Variants in PDS5B observed in about 807,000 individuals in gnomAD.
The protein encoded by PDS5B is PDS5 cohesin associated factor B.
PDS5B carries 51 observed loss-of-function variants against 184.1 expected under a neutral mutation model. That is an observed-to-expected ratio of 0.28 (90% CI 0.22 to 0.35). The LOEUF (loss-of-function observed/expected upper bound fraction) is 0.35. PDS5B is among the 10% of genes least tolerant of loss of function. PDS5B has a pLI of 1.00. For synonymous variants in PDS5B, 566 were observed against 569.2 expected (o/e 0.99, Z 0.08); for missense variants, 1,180 against 1,723.3 (o/e 0.68, Z 5.58).
chr13:32,704,899 G>A (rs1351201348), intron 17 of PDS5B, among the ~76,000 whole-genome samples: 1 of 151,922 alleles, frequency 6.6e-6, no homozygotes, highest in Non-Finnish European at 1.5e-5. Context: ...TGTTTTTTTA[G>A]GTAGTTTTTG....
chr13:32,685,996 A>G (rs1277595783), intron 11 of PDS5B, among the ~76,000 whole-genome samples: 1 of 152,184 alleles, frequency 6.6e-6, no homozygotes, highest in Admixed American at 6.5e-5. Context: ...TGGTGGATGA[A>G]TGAGATAAGA....
chr13:32,604,736 T>C (rs2058033307), intron 1 of PDS5B, among the ~76,000 whole-genome samples: 1 of 152,244 alleles, frequency 6.6e-6, no homozygotes, highest in Non-Finnish European at 1.5e-5. Flanking sequence ...TATTAATTAT[T>C]GCCTCAATTT....
intron 34 of PDS5B, 108 bp downstream of exon 34, chr13:32,773,432 G>T: frequency 5.3e-6 from 5 of 950,708 alleles, no homozygotes; most frequent in Non-Finnish European, 7.8e-6. Context: ...TACTTCATTA[G>T]TTCATAGCAT....
At chr13:32,679,397 C>T (rs2140789758) in intron 10 of PDS5B, among the ~76,000 whole-genome samples, 1 of 152,218 alleles carries the variant, frequency 6.6e-6, no homozygotes, top group East Asian at 1.9e-4. Context: ...TCAGGCCGAG[C>T]ACAGGCCAAG....
At chr13:32,699,105 GATACCACAGTCAACGTTTT>G (rs908219503) in intron 15 of PDS5B, among the ~76,000 whole-genome samples, 2 of 152,110 alleles carry the variant, frequency 1.3e-5, no homozygotes, top group Non-Finnish European at 2.9e-5. Context: ...AGGCAAAAAA[GATACCACAGTCAACGTTTT>G]ATTAGCTTTC....
chr13:32,627,283 G>A (rs899209820), intron 1 of PDS5B, among the ~76,000 whole-genome samples: 1 of 152,192 alleles, frequency 6.6e-6, no homozygotes, highest in Non-Finnish European at 1.5e-5. Flanking sequence ...TTTACAGTCT[G>A]TACAGTAATT....
Position 32,694,689 on chromosome 13 carries a change from C to T in PDS5B, c.1551+385C>T, listed in dbSNP as rs1031157323. On this transcript the variant is annotated intron_variant, in intron 14 of 34. Coordinates refer to ENST00000315596, the MANE Select transcript of PDS5B (RefSeq NM_015032.4). Reference sequence around the variant, plus strand: ...ATATGCTTGTGGTTTTAGAAAGTTTCAATAATTATGTAATTAAAGTTAGGT... The same window carrying T: ...ATATGCTTGTGGTTTTAGAAAGTTTTAATAATTATGTAATTAAAGTTAGGT... Among the ~76,000 whole-genome samples, 14 of 151,858 alleles carry T rather than the reference C, an allele frequency of 9.2e-5. No individual in the cohort carries two copies. The East Asian group carries it at 2.7e-3, about 29-fold the overall frequency.
At chr13:32,693,748 A>C (rs1349701467) in intron 13 of PDS5B, among the ~76,000 whole-genome samples, 2 of 151,108 alleles carry the variant, frequency 1.3e-5, no homozygotes, top group Admixed American at 6.6e-5. Flanking sequence ...ATTTTTTTAG[A>C]TTTAAATTTC....
At chr13:32,768,783 A>T (rs1382833131) in intron 31 of PDS5B, among the ~76,000 whole-genome samples, 2 of 117,506 alleles carry the variant, frequency 1.7e-5, no homozygotes, top group African/African-American at 6.7e-5. Flanking sequence ...ACAGAGCGAG[A>T]CTCTGTCTCA....
intron 1 of PDS5B, among the ~76,000 whole-genome samples, chr13:32,620,946 T>C (rs1439450235): frequency 1.3e-5 from 2 of 152,218 alleles, no homozygotes; most frequent in African/African-American, 4.8e-5. Context: ...GGTTGGGATA[T>C]AGCTACACTG....
intron 19 of PDS5B, among the ~76,000 whole-genome samples, chr13:32,720,602 A>T (rs1952637026): frequency 6.6e-6 from 1 of 150,958 alleles, no homozygotes; most frequent in Non-Finnish European, 1.5e-5. Flanking sequence ...TTTTATCTTT[A>T]TTTTTTATTT....
At chr13:32,637,733 A>G (rs190596302) in intron 1 of PDS5B, among the ~76,000 whole-genome samples, 202 of 152,328 alleles carry the variant, frequency 1.3e-3, no homozygotes, top group Non-Finnish European at 2.6e-3. Context: ...ATGTGTTACT[A>G]GAAGAAACAA....
Position 32,710,005 on chromosome 13 carries a change from G to T in PDS5B, c.2022G>T (p.Leu674=). The change falls in exon 19 of 35, where the codon CTG becomes CTT. Residue 674 remains leucine, a synonymous_variant. Coordinates refer to ENST00000315596, the MANE Select transcript of PDS5B (RefSeq NM_015032.4). Reference sequence around the variant, plus strand: ...CTGCTGAAACATTTGAATCATTACTGGCTTGTCTGAAAATGGATGATGAAA... The same window carrying T: ...CTGCTGAAACATTTGAATCATTACTTGCTTGTCTGAAAATGGATGATGAAA... The part of the protein sequence containing the change: ...FHSAETFESL[L]ACLKMDDEKV... The T allele has an allele frequency of 6.4e-7, 1 of 1,550,506 alleles. No individual in the cohort carries two copies. Among genetic ancestry groups the T allele is most frequent in the Middle Eastern group, 1.7e-4 (1 of 5,854 alleles).
intron 1 of PDS5B, among the ~76,000 whole-genome samples, chr13:32,602,706 C>G (rs918157402): frequency 6.6e-6 from 1 of 152,158 alleles, no homozygotes; most frequent in African/African-American, 2.4e-5. Flanking sequence ...AGTTTACAGT[C>G]CCACCGACAA....
intron 1 of PDS5B, among the ~76,000 whole-genome samples, chr13:32,616,554 T>C (rs2058222784): frequency 6.6e-6 from 1 of 152,212 alleles, no homozygotes; most frequent in Non-Finnish European, 1.5e-5. Context: ...TATTTTGCTA[T>C]TATGCCTATG....
intron 8 of PDS5B, 57 bp from the exon 9 acceptor site, chr13:32,675,787 G>A (rs1164040562): frequency 7.0e-6 from 7 of 1,004,812 alleles, no homozygotes; most frequent in South Asian, 1.4e-5. Flanking sequence ...AGAATGGGCA[G>A]CCTTATTCTG....
intron 6 of PDS5B, among the ~76,000 whole-genome samples, chr13:32,659,771 GA>G (rs1950597758): frequency 6.6e-6 from 1 of 152,144 alleles, no homozygotes; most frequent in African/African-American, 2.4e-5. Context: ...TTTGATTTTA[GA>G]AAATGACTGA....
At chr13:32,626,029 G>T (rs2058366313) in intron 1 of PDS5B, among the ~76,000 whole-genome samples, 1 of 152,042 alleles carries the variant, frequency 6.6e-6, no homozygotes, top group African/African-American at 2.4e-5. Flanking sequence ...TAGTAGGTAT[G>T]GGGTTTTGCC....
chr13:32,773,377 ATGTT>A (rs1954855613), intron 34 of PDS5B, 53 bp downstream of exon 34: 2 of 1,478,774 alleles, frequency 1.4e-6, no homozygotes, highest in Non-Finnish European at 1.8e-6. Context: ...GAGTTAGTAA[ATGTT>A]TGGTTAGATC....
Sources: allele counts gnomAD v4.1 joint callset (sites outside exome capture counted in the v4.1 genomes callset), GRCh38; gene constraint gnomAD v4.1.1; transcripts MANE v1.5; gene names NCBI Gene and HGNC (gene_info 2026-07-23, HGNC 2026-07-21).